The following ASPG variants were observed in gnomAD, a reference collection of about 807,000 sequenced individuals.
ASPG encodes the protein asparaginase, also known as 60 kDa lysophospholipase.
In ASPG, 53 loss-of-function variants were observed where a neutral mutation model predicts 63.2. The ratio of observed to expected loss-of-function variants is 0.84; its 90% confidence interval spans 0.67 to 1.05. The LOEUF (loss-of-function observed/expected upper bound fraction) is 1.05, where lower values mean the gene tolerates loss of function less well. Among genes scored for constraint, ASPG ranks in the 50% least tolerant of loss-of-function variants. The probability of loss-of-function intolerance (pLI) is 0.00; values close to 1 mark genes in which losing one functional copy is unlikely to be tolerated. For missense variants in ASPG, 741 were observed against 794.4 expected (o/e 0.93, Z 0.81); for synonymous variants, 370 against 355.0 (o/e 1.04, Z -0.48).
rs55974159 is a variant in ASPG at position 104,114,852 on chromosome 14, C to T, written c.*2308C>T. 0.082 allele frequency: 12,551 copies of T among 152,284 alleles called. 558 individuals carry two copies. The highest frequency in any genetic ancestry group is 0.14 in the Middle Eastern group (40 of 294). The allele number at this position is 152,284 out of a possible 1,614,324, so 9.4% of individuals were successfully genotyped here. On this transcript the variant is annotated 3_prime_UTR_variant, in exon 16 of 16. Coordinates refer to ENST00000551177, the MANE Select transcript of ASPG (RefSeq NM_001080464.3). ...TAAGGCACAGAGTGGCCCCGTCCTG[C>T]GCCCAGGGCTCTGCGTTGGCACAGG...
At chr14:104,099,422 G>A (rs1442665057) in intron 6 of ASPG, among the ~76,000 whole-genome samples, 1 of 152,168 alleles carries the variant, frequency 6.6e-6, no homozygotes, top group Non-Finnish European at 1.5e-5. Context: ...GAGCGATCCT[G>A]TGTCCTGAGG....
rs546579958 is a variant in ASPG at position 104,114,867 on chromosome 14, G to C, written c.*2323G>C. On this transcript the variant is annotated 3_prime_UTR_variant, in exon 16 of 16. Coordinates refer to ENST00000551177, the MANE Select transcript of ASPG (RefSeq NM_001080464.3). ...CCCCGTCCTGCGCCCAGGGCTCTGC[G>C]TTGGCACAGGGCAGAGCTGGGCTGT... The C allele has an allele frequency of 6.6e-6, 1 of 152,264 alleles. No individual in the cohort carries two copies. Among genetic ancestry groups the C allele is most frequent in the Non-Finnish European group, 1.5e-5 (1 of 68,078 alleles). 9.4% of individuals were successfully genotyped at this position (152,264 alleles called of 1,614,324 possible).
chr14:104,085,891 T>C, intron 1 of ASPG, 39 bp downstream of exon 1: 2 of 1,535,502 alleles, frequency 1.3e-6, no homozygotes, highest in Non-Finnish European at 1.7e-6. Context: ...CCTCTGGACC[T>C]GGCCGCGACC....
intron 7 of ASPG, among the ~76,000 whole-genome samples, chr14:104,103,898 C>T (rs1191266909): frequency 6.6e-6 from 1 of 152,264 alleles, no homozygotes; most frequent in African/African-American, 2.4e-5. Flanking sequence ...GCGCGGCTCA[C>T]AGCCAGAACG....
Position 104,085,831 on chromosome 14 carries a change from G to A in ASPG, c.61G>A (p.Gly21Ser). 6.3e-7 allele frequency: 1 copy of A among 1,590,200 alleles called. No individual in the cohort carries two copies. Among genetic ancestry groups the A allele is most frequent in the Non-Finnish European group, 8.5e-7 (1 of 1,174,210 alleles). ...GGCCGTCTACACCGGCGGCACCATT[G>A]GCATGCGGAGTGAGCTCGGCGGTGA... ...LLAVYTGGTIGMRSELGVLVP... is the reference protein window; with the variant it reads ...LLAVYTGGTISMRSELGVLVP... Residue 21 changes from glycine to serine, a missense_variant, in exon 1 of 16, where the codon GGC becomes AGC. Transcript: ENST00000551177.
At chr14:104,108,415 G>GC in intron 12 of ASPG, 1 of 985,346 alleles carries the variant, frequency 1.0e-6, no homozygotes, top group Non-Finnish European at 1.2e-6. Context: ...CTCACAGCAC[G>GC]CCCCCAACCG....
Position 104,112,588 on chromosome 14 carries a change from T to C in ASPG, c.*44T>C. On this transcript the variant is annotated 3_prime_UTR_variant, in exon 16 of 16. Transcript: ENST00000551177. Reference sequence around the variant, plus strand: ...CAGTATAAGCCATTCCTTCCTCCCATGACCTGCTGGAGGGGTCTCAGGCAT... The same window carrying C: ...CAGTATAAGCCATTCCTTCCTCCCACGACCTGCTGGAGGGGTCTCAGGCAT... 1 of 1,603,848 alleles carries C rather than the reference T, an allele frequency of 6.2e-7. No individual in the cohort carries two copies. Among genetic ancestry groups the C allele is most frequent in the Non-Finnish European group, 8.5e-7 (1 of 1,177,124 alleles).
rs1241774263 is a variant in ASPG, at chr14:104,103,701, C to T, written c.753+26C>T. On this transcript the variant is annotated intron_variant, in intron 7 of 15. Transcript: ENST00000551177. ...GTAGGGACCGCCCCGGCCATCCTGC[C>T]CCTGCAGCCCTGAGCCCCAGCCCTC... 5.9e-6 allele frequency: 9 copies of T among 1,533,642 alleles called. No individual in the cohort carries two copies. The African/African-American group carries it at 1.2e-4, about 21-fold the overall frequency.
At chr14:104,099,987 G>T (rs1319557218) in intron 6 of ASPG, among the ~76,000 whole-genome samples, 1 of 152,224 alleles carries the variant, frequency 6.6e-6, no homozygotes, top group Admixed American at 6.5e-5. Context: ...CTGGGCTTCT[G>T]TCCAGGCCTG....
chr14:104,086,563 C>G (rs2036226790), intron 1 of ASPG, among the ~76,000 whole-genome samples: 1 of 152,062 alleles, frequency 6.6e-6, no homozygotes. Flanking sequence ...GCTTGGGGAG[C>G]CTGAGGCCAC....
chr14:104,102,903 C>A (rs2036941322), intron 6 of ASPG, among the ~76,000 whole-genome samples: 1 of 152,188 alleles, frequency 6.6e-6, no homozygotes, highest in Non-Finnish European at 1.5e-5. Context: ...TCCACCATCA[C>A]CCACCCTGGG....
In ASPG at chr14:104,111,549, C is replaced by A. The variant is rs753514334; in HGVS notation, c.1568C>A (p.Ala523Glu). 4 of 1,552,330 alleles carry A rather than the reference C, an allele frequency of 2.6e-6. No individual in the cohort carries two copies. The South Asian group carries it at 4.8e-5, about 18-fold the overall frequency. Residue 523 changes from alanine to glutamate, a missense_variant, in exon 14 of 16, where the codon GCA becomes GAA. By Grantham distance (107) the Ala-to-Glu change is moderately radical (BLOSUM62 -1). Transcript: ENST00000551177. Reference sequence around the variant, plus strand: ...GAAGGCCTGCAGGTGTGGTGGCAGGCAGGGGCTGACCTGGGGCAGCCGGGC... The same window carrying A: ...GAAGGCCTGCAGGTGTGGTGGCAGGAAGGGGCTGACCTGGGGCAGCCGGGC... ...DLEGLQVWWQ[A>E]GADLGQPGYD...
chr14:104,089,410 T>C (rs1407458884), intron 1 of ASPG, among the ~76,000 whole-genome samples: 1 of 151,580 alleles, frequency 6.6e-6, no homozygotes, highest in African/African-American at 2.4e-5. Context: ...TCCCAGCTAC[T>C]GGGGAGGCTG....
chr14:104,103,435 T>C lies in ASPG; in HGVS notation c.641-128T>C, dbSNP rs2036970524. The C allele has an allele frequency of 6.4e-6, 5 of 784,584 alleles. No individual in the cohort carries two copies. In the Admixed American group the frequency reaches 1.4e-4, roughly 21 times the overall value. The allele number at this position is 784,584 out of a possible 1,614,324, so 48.6% of individuals were successfully genotyped here. A position where few individuals can be genotyped will look rare whatever the true frequency, so the allele number is the denominator to read the frequency against. On this transcript the variant is annotated intron_variant, in intron 6 of 15. Coordinates refer to ENST00000551177, the MANE Select transcript of ASPG (RefSeq NM_001080464.3). ...GGGAGAGGAGGCAGGGCGAGGGGGC[T>C]GAGCCGCGAAGGCTCAGGGCTCTGA...
At position 104,115,022 on chromosome 14, in the gene ASPG, A is replaced by G. The variant is rs1366132012; in HGVS notation, c.*2478A>G. 6.6e-6 allele frequency: 1 copy of G among 151,932 alleles called. No homozygotes were observed. Among genetic ancestry groups the G allele is most frequent in the African/African-American group, 2.4e-5 (1 of 41,368 alleles). The allele number at this position is 151,932 out of a possible 1,614,324, so 9.4% of individuals were successfully genotyped here. On this transcript the variant is annotated 3_prime_UTR_variant, in exon 16 of 16. Transcript: ENST00000551177. ...GGGGTGGCGCCGCTCACACCTGGTAATTTCACGCTGGGGGAGGCCTTGGTT... is the reference window on the plus strand; with the variant it reads ...GGGGTGGCGCCGCTCACACCTGGTAGTTTCACGCTGGGGGAGGCCTTGGTT...
rs1260469327 is a variant in ASPG at position 104,098,128 on chromosome 14, CG to C, written c.513+492del. On this transcript the variant is annotated intron_variant, in intron 5 of 15. Transcript: ENST00000551177. ...GTTAGAGATGCGTATGGAGGTTCTC[CG>C]TTAGAGATACGTATGGAGGTTCTGC... 3.5e-3 allele frequency among the ~76,000 whole-genome samples: 517 copies of C among 146,268 alleles called. 79 individuals carry two copies. The highest frequency in any genetic ancestry group is 6.8e-3 in the Middle Eastern group (2 of 292).
At chr14:104,105,110 T>G in intron 9 of ASPG, 2 of 696,220 alleles carry the variant, frequency 2.9e-6, no homozygotes, top group Non-Finnish European at 4.7e-6. Flanking sequence ...GACGGAGGCT[T>G]TTGGGGCCCC....
Position 104,109,147 on chromosome 14 carries a change from A to G in ASPG, c.1434-82A>G. 1.3e-6 allele frequency: 2 copies of G among 1,569,818 alleles called. No individual in the cohort carries two copies. The highest frequency in any genetic ancestry group is 1.7e-6 in the Non-Finnish European group (2 of 1,159,596). On this transcript the variant is annotated intron_variant, in intron 12 of 15. Coordinates refer to ENST00000551177, the MANE Select transcript of ASPG (RefSeq NM_001080464.3). The surrounding 1 kb of genome is among the most constrained non-coding windows in gnomAD (Gnocchi z 4.8). ...CGGTCCCCGTCCCTGTGCACAGGAC[A>G]TGAGCTCTGCTGGCTCCTGAGTGAG... is the stretch of plus-strand genomic sequence containing the variant.
chr14:104,093,414 G>A (rs545309495), intron 2 of ASPG, 77 bp from the exon 3 acceptor site: 22 of 1,299,128 alleles, frequency 1.7e-5, no homozygotes, highest in South Asian at 5.9e-5. Flanking sequence ...GGAACAGAGC[G>A]GGTCAGGGCA....
Sources: allele counts gnomAD v4.1 joint callset (sites outside exome capture counted in the v4.1 genomes callset), GRCh38; gene constraint gnomAD v4.1.1; non-coding constraint Gnocchi (gnomAD v3.1); transcripts MANE v1.5; gene names NCBI Gene and HGNC (gene_info 2026-07-23, HGNC 2026-07-21).